ABHD10: variants seen among roughly 807,000 people sequenced by gnomAD.
ABHD10 encodes the protein abhydrolase domain containing 10, depalmitoylase, also known as palmitoyl-protein thioesterase ABHD10, mitochondrial.
Under a neutral mutation model 33.1 loss-of-function variants are expected in ABHD10, and 22 were observed. The observed-to-expected ratio is 0.66, with a 90% CI of 0.47 to 0.95. The LOEUF (loss-of-function observed/expected upper bound fraction) is 0.95. Among genes scored for constraint, ABHD10 ranks in the 40% least tolerant of loss-of-function variants. ABHD10 has a pLI of 0.00. For synonymous variants in ABHD10, 146 were observed against 133.9 expected (o/e 1.09, Z -0.62); for missense variants, 352 against 379.9 (o/e 0.93, Z 0.61).
At chr3:111,984,231 C>T (rs76099749) in intron 2 of ABHD10, among the ~76,000 whole-genome samples, 11,460 of 152,182 alleles carry the variant, frequency 0.075, 529 homozygotes, top group Non-Finnish European at 0.1. Flanking sequence ...TTAGACTGCA[C>T]CAGTTGCCCT....
In ABHD10 at chr3:111,992,214, A is replaced by G. The variant is rs2072749776; in HGVS notation, c.*493A>G. The G allele has an allele frequency of 6.9e-6, 1 of 144,938 alleles. No homozygotes were observed. Among genetic ancestry groups the G allele is most frequent in the African/African-American group, 2.5e-5 (1 of 39,524 alleles). The allele number at this position is 144,938 out of a possible 1,614,324, so 9.0% of individuals were successfully genotyped here. A position where few individuals can be genotyped will look rare whatever the true frequency, so the allele number is the denominator to read the frequency against. On this transcript the variant is annotated 3_prime_UTR_variant, in exon 5 of 5. Coordinates refer to ENST00000273359, the MANE Select transcript of ABHD10 (RefSeq NM_018394.4). ...GTTCACAATAAGGATAATACTTTAT[A>G]TAATGTATAAAGTATATATAATATA...
In ABHD10 at chr3:111,992,351, TGTATAATATATTTAAA is replaced by T. The variant is rs2072751904; in HGVS notation, c.*631_*646del. On this transcript the variant is annotated 3_prime_UTR_variant, in exon 5 of 5. Transcript: ENST00000273359. Reference sequence around the variant, plus strand: ...GGAGCTATTTCTAAAATTTGGCTTATGTATAATATATTTAAATGGGGAATTTCATCTAAAACAATGA... The same window carrying T: ...GGAGCTATTTCTAAAATTTGGCTTATTGGGGAATTTCATCTAAAACAATGA... 6.6e-6 allele frequency: 1 copy of T among 151,320 alleles called. No homozygotes were observed. The highest frequency in any genetic ancestry group is 6.6e-5 in the Admixed American group (1 of 15,174). The allele number at this position is 151,320 out of a possible 1,614,324, so 9.4% of individuals were successfully genotyped here.
At chr3:111,983,105 T>C (rs780408796) in intron 2 of ABHD10, among the ~76,000 whole-genome samples, 2 of 152,068 alleles carry the variant, frequency 1.3e-5, no homozygotes, top group African/African-American at 2.4e-5. Flanking sequence ...AAACACAAGA[T>C]AAAATACATG....
intron 3 of ABHD10, 25 bp downstream of exon 3, chr3:111,986,400 A>T (rs1261501764): frequency 2.7e-6 from 4 of 1,487,294 alleles, no homozygotes. Context: ...AAGTATGATG[A>T]TAATTACTGT....
At chr3:111,985,390 GTGA>G (rs2072643149) in intron 2 of ABHD10, among the ~76,000 whole-genome samples, 1 of 152,130 alleles carries the variant, frequency 6.6e-6, no homozygotes, top group Non-Finnish European at 1.5e-5. Context: ...GGATGGGTTG[GTGA>G]TGATGAATTT....
At chr3:111,983,208 T>C (rs2072608172) in intron 2 of ABHD10, among the ~76,000 whole-genome samples, 1 of 152,094 alleles carries the variant, frequency 6.6e-6, no homozygotes, top group Non-Finnish European at 1.5e-5. Context: ...GGGATTGAAA[T>C]AGATAAAGGA....
chr3:111,979,982 A>G (rs765377880), intron 1 of ABHD10, among the ~76,000 whole-genome samples: 15 of 152,254 alleles, frequency 9.9e-5, no homozygotes, highest in Admixed American at 8.5e-4. Flanking sequence ...TACACATGCA[A>G]ATACTCCTAG....
intron 1 of ABHD10, 55 bp from the exon 2 acceptor site, chr3:111,981,729 T>G (rs777275913): frequency 1.4e-6 from 2 of 1,397,626 alleles, no homozygotes; most frequent in Non-Finnish European, 1.9e-6. Context: ...ATATATATGG[T>G]TTTCCAAAGA....
At chr3:111,983,424 C>T (rs1026173258) in intron 2 of ABHD10, among the ~76,000 whole-genome samples, 2 of 152,068 alleles carry the variant, frequency 1.3e-5, no homozygotes, top group African/African-American at 4.8e-5. Context: ...TCCTGTCTCC[C>T]TATAAGACAT....
chr3:111,979,575 A>T (rs1382606491), intron 1 of ABHD10, among the ~76,000 whole-genome samples: 1 of 152,242 alleles, frequency 6.6e-6, no homozygotes, highest in Non-Finnish European at 1.5e-5. Flanking sequence ...AAATGCTTAG[A>T]CTGACTCTCC....
Position 111,986,272 on chromosome 3 carries a change from A to C in ABHD10, c.335A>C (p.Tyr112Ser), listed in dbSNP as rs1338349894. 6.2e-7 allele frequency: 1 copy of C among 1,608,636 alleles called. No individual in the cohort carries two copies. The highest frequency in any genetic ancestry group is 8.5e-7 in the Non-Finnish European group (1 of 1,175,428). Residue 112 changes from tyrosine to serine, a missense_variant, in exon 3 of 5, where the codon TAC becomes TCC. Transcript: ENST00000273359. ...TTTTCCCCTTTTTCCAGGTTTGATT[A>C]CTCAGGAGTTGGAAGTTCAGATGGT... is the stretch of plus-strand genomic sequence containing the variant. Reference protein sequence around the residue: ...SLGHACIRFDYSGVGSSDGNS... With the variant: ...SLGHACIRFDSSGVGSSDGNS...
intron 4 of ABHD10, chr3:111,990,612 ATACAGATAT>A: frequency 2.1e-6 from 1 of 471,386 alleles, no homozygotes; most frequent in Non-Finnish European, 3.6e-6. Context: ...GGGAATAAAT[ATACAGATAT>A]TATTGTTTGG....
At position 111,991,678 on chromosome 3, in the gene ABHD10, C is replaced by T; in HGVS notation, c.878C>T (p.Thr293Ile). Residue 293 changes from threonine to isoleucine, a missense_variant, in exon 5 of 5, where the codon ACT becomes ATT. Coordinates refer to ENST00000273359, the MANE Select transcript of ABHD10 (RefSeq NM_018394.4). ...GCAGACATTCAACTTCTTGTTTACA[C>T]TATTGATGACTTAATTGATAAGCTC... Reference protein sequence around the residue: ...EKADIQLLVYTIDDLIDKLST... With the variant: ...EKADIQLLVYIIDDLIDKLST... 6.2e-7 allele frequency: 1 copy of T among 1,613,878 alleles called. No homozygotes were observed. Among genetic ancestry groups the T allele is most frequent in the Non-Finnish European group, 8.5e-7 (1 of 1,179,886 alleles).
At chr3:111,981,330 A>AG (rs1195453774) in intron 1 of ABHD10, among the ~76,000 whole-genome samples, 85 of 136,242 alleles carry the variant, frequency 6.2e-4, no homozygotes, top group Non-Finnish European at 8.8e-4. Flanking sequence ...AAAAAAAAAA[A>AG]AAAGAAAGAA....
intron 4 of ABHD10, among the ~76,000 whole-genome samples, chr3:111,989,346 T>C (rs1007427733): frequency 1.3e-5 from 2 of 152,258 alleles, no homozygotes; most frequent in Non-Finnish European, 2.9e-5. Flanking sequence ...GTTTTGTTGA[T>C]GTAGAACTTA....
intron 4 of ABHD10, among the ~76,000 whole-genome samples, chr3:111,989,454 T>C (rs984824222): frequency 2.6e-5 from 4 of 152,240 alleles, no homozygotes; most frequent in African/African-American, 4.8e-5. Flanking sequence ...GTTAACTTTG[T>C]TCTTCAGATG....
At chr3:111,991,354 AT>A (rs71773737) in intron 4 of ABHD10, 22 bp from the exon 5 acceptor site, 720,853 of 1,584,414 alleles carry the variant, frequency 0.45, 170,247 homozygotes, top group Non-Finnish European at 0.49. Flanking sequence ...AAATACTTTT[AT>A]TTTTCTTTCT....
rs1056057091 is a variant in ABHD10 at position 111,981,328 on chromosome 3, A to G, written c.143-456A>G. ...CCCTGTCTCAAAAAAAAAAAAAAAAAAAAAAGAAAGAAAATAAGGGATGTG... is the reference window on the plus strand; with the variant it reads ...CCCTGTCTCAAAAAAAAAAAAAAAAGAAAAAGAAAGAAAATAAGGGATGTG... On this transcript the variant is annotated intron_variant, in intron 1 of 4. Coordinates refer to ENST00000273359, the MANE Select transcript of ABHD10 (RefSeq NM_018394.4). 6.6e-5 allele frequency among the ~76,000 whole-genome samples: 10 copies of G among 151,452 alleles called. 1 individual carries two copies. Among genetic ancestry groups the G allele is most frequent in the South Asian group, 4.2e-4 (2 of 4,814 alleles).
intron 1 of ABHD10, among the ~76,000 whole-genome samples, chr3:111,980,947 G>A (rs16859002): frequency 0.046 from 7,047 of 152,172 alleles, 382 homozygotes; most frequent in East Asian, 0.14. Context: ...GGCACAGCAC[G>A]TCCTCCTTTG....
Sources: allele counts gnomAD v4.1 joint callset (sites outside exome capture counted in the v4.1 genomes callset), GRCh38; gene constraint gnomAD v4.1.1; transcripts MANE v1.5; gene names NCBI Gene and HGNC (gene_info 2026-07-23, HGNC 2026-07-21).